The following NOL7 variants were observed in gnomAD, a reference collection of about 807,000 sequenced individuals.
The protein encoded by NOL7 is nucleolar protein 7.
In NOL7, 36 loss-of-function variants were observed where a neutral mutation model predicts 38.4. The observed-to-expected ratio is 0.94, with a 90% confidence interval of 0.72 to 1.24. The LOEUF is 1.24. Among genes scored for constraint, NOL7 ranks in the 50% most tolerant of loss-of-function variants. The pLI, the probability that NOL7 is intolerant of heterozygous loss-of-function variation, is 0.00. For synonymous variants in NOL7, 142 were observed against 126.5 expected (o/e 1.12, Z -0.82); for missense variants, 350 against 315.1 (o/e 1.11, Z -0.84).
At chr6:13,616,137 C>T (rs1764280280) in intron 2 of NOL7, among the ~76,000 whole-genome samples, 1 of 152,192 alleles carries the variant, frequency 6.6e-6, no homozygotes, top group Non-Finnish European at 1.5e-5. Context: ...GCTGTACAGA[C>T]TTAGTGTATG....
At chr6:13,626,060 G>T (rs1352035983), downstream of NOL7, among the ~76,000 whole-genome samples, 3 of 152,202 alleles carry the variant, frequency 2.0e-5, no homozygotes, top group East Asian at 5.8e-4. Context: ...CTGGTGTAGG[G>T]AGAGTGGAAG....
chr6:13,619,713 TTG>T (rs1351590752), intron 5 of NOL7, among the ~76,000 whole-genome samples: 2 of 152,234 alleles, frequency 1.3e-5, no homozygotes, highest in African/African-American at 4.8e-5. Flanking sequence ...GAGATGCTGA[TTG>T]TTCAACTGAT....
rs1228787250 is a variant in NOL7, at chr6:13,615,642, C to G, written c.266+18C>G. On this transcript the variant is annotated intron_variant, in intron 1 of 7. Transcript: ENST00000451315. ...GTGCGCAGGTTCGGAGCCCGCTGCC[C>G]GGCGGGGAGAACCGCCCTTTCTCGT... 5 of 1,610,064 alleles carry G rather than the reference C, an allele frequency of 3.1e-6. No homozygotes were observed. Among genetic ancestry groups the G allele is most frequent in the South Asian group, 1.1e-5 (1 of 90,570 alleles).
At chr6:13,622,537 A>G (rs1281895347), downstream of NOL7, 1 of 1,504,398 alleles carries the variant, frequency 6.6e-7, no homozygotes, top group East Asian at 2.3e-5. Flanking sequence ...TTAGCAAGAC[A>G]TTTTAAAAAA....
At chr6:13,622,335 A>T (rs115719968), downstream of NOL7, 18 of 1,514,308 alleles carry the variant, frequency 1.2e-5, no homozygotes, top group Non-Finnish European at 1.6e-5. Flanking sequence ...ATGCCACAAT[A>T]TAAGTGTGAG....
intron 5 of NOL7, 42 bp from the exon 6 acceptor site, chr6:13,620,166 A>T (rs776551256): frequency 1.9e-6 from 3 of 1,576,216 alleles, no homozygotes; most frequent in South Asian, 2.4e-5. Context: ...AAAGAAAGTA[A>T]GCATGTGTAA....
chr6:13,616,485 C>T lies in NOL7; in HGVS notation c.350C>T (p.Thr117Ile). Residue 117 changes from threonine to isoleucine, a missense_variant, in exon 3 of 8, where the codon ACT becomes ATT. Physicochemically the swap from Thr to Ile is moderately conservative, Grantham distance 89 (BLOSUM62 -1). Coordinates refer to ENST00000451315, the MANE Select transcript of NOL7 (RefSeq NM_016167.5). ...EQKKRKLLPDTILEKLTTASQ... is the reference protein window; with the variant it reads ...EQKKRKLLPDIILEKLTTASQ... ...AAGAAAAGAAAACTCCTTCCAGACA[C>T]TATTTTGGAGAAGTTAACCACAGCT... 1 of 1,608,984 alleles carries T rather than the reference C, an allele frequency of 6.2e-7. No homozygotes were observed. The highest frequency in any genetic ancestry group is 1.3e-5 in the African/African-American group (1 of 74,666).
chr6:13,632,119 T>A (rs13191719), intron 8 of NOL7, among the ~76,000 whole-genome samples: 1 of 2,650 alleles, frequency 3.8e-4, no homozygotes, highest in African/African-American at 1.7e-3. Flanking sequence ...GATTTAATCC[T>A]TTTTTTTTTT....
downstream of NOL7, among the ~76,000 whole-genome samples, chr6:13,622,729 T>A (rs1764486042): frequency 6.6e-6 from 1 of 152,228 alleles, no homozygotes; most frequent in African/African-American, 2.4e-5. Flanking sequence ...AATCAGACTT[T>A]TAAAGTATCA....
Position 13,618,020 on chromosome 6 carries a change from C to T in NOL7, c.419-38C>T, listed in dbSNP as rs139252019. The stretch of plus-strand genomic sequence containing the variant: ...CAGTAAATTTCCTGATTTATTTTTA[C>T]GTGAATGCTAATTAGAAAATGTAAC... On this transcript the variant is annotated intron_variant, in intron 4 of 7. Coordinates refer to ENST00000451315, the MANE Select transcript of NOL7 (RefSeq NM_016167.5). 2.4e-4 allele frequency: 292 copies of T among 1,201,202 alleles called. 2 individuals are homozygous for T. In the African/African-American group the frequency reaches 2.9e-3, roughly 12 times the overall value. The allele number at this position is 1,201,202 out of a possible 1,614,324, so 74.4% of individuals were successfully genotyped here.
chr6:13,631,712 C>G (rs1764786833), intron 8 of NOL7, among the ~76,000 whole-genome samples: 1 of 152,194 alleles, frequency 6.6e-6, no homozygotes, highest in African/African-American at 2.4e-5. Context: ...TGTTAAAGAG[C>G]TGTACATCTC....
chr6:13,617,380 G>A (rs936378394), intron 3 of NOL7, among the ~76,000 whole-genome samples: 2 of 152,090 alleles, frequency 1.3e-5, no homozygotes, highest in Non-Finnish European at 2.9e-5. Context: ...CCTGTCTCCT[G>A]TGCCTAAACT....
chr6:13,623,591 C>T (rs1360443360), downstream of NOL7, among the ~76,000 whole-genome samples: 1 of 152,144 alleles, frequency 6.6e-6, no homozygotes, highest in African/African-American at 2.4e-5. Flanking sequence ...CAAAGACAAA[C>T]ATCTACAGGG....
In NOL7 at chr6:13,615,716, A is replaced by G; in HGVS notation, c.271A>G (p.Lys91Glu). The G allele has an allele frequency of 6.2e-7, 1 of 1,614,224 alleles. No homozygotes were observed. The highest frequency in any genetic ancestry group is 1.6e-4 in the Middle Eastern group (1 of 6,062). Reference sequence around the variant, plus strand: ...ACTTATCACCCTTCCTCCCAGGGATAAAACGCTCCTGAAGGAGAAGAGGAA... The same window carrying G: ...ACTTATCACCCTTCCTCCCAGGGATGAAACGCTCCTGAAGGAGAAGAGGAA... ...RRVRETVRRD[K>E]TLLKEKRKRR... The change falls in exon 2 of 8, where the codon AAA (lysine) becomes GAA (glutamate). Residue 91 changes from lysine (K) to glutamate (E), a missense_variant. Transcript: ENST00000451315.
intron 8 of NOL7, among the ~76,000 whole-genome samples, chr6:13,627,904 A>C (rs1764663538): frequency 6.6e-6 from 1 of 152,188 alleles, no homozygotes; most frequent in South Asian, 2.1e-4. Flanking sequence ...TAGTGCAGCA[A>C]ACCACCATGG....
At chr6:13,616,603 A>G (rs938478663) in intron 3 of NOL7, 82 bp downstream of exon 3, 7 of 948,074 alleles carry the variant, frequency 7.4e-6, no homozygotes, top group African/African-American at 6.7e-5. Flanking sequence ...TTGAATCCAT[A>G]TAACTGAAGG....
At chr6:13,631,398 T>C (rs1251476982) in intron 8 of NOL7, among the ~76,000 whole-genome samples, 3 of 152,206 alleles carry the variant, frequency 2.0e-5, no homozygotes, top group Non-Finnish European at 4.4e-5. Flanking sequence ...TTTTTTCAAA[T>C]GTTAAAACAT....
chr6:13,621,496 T>C lies in NOL7; in HGVS notation c.*669T>C, dbSNP rs1210707584. Reference sequence around the variant, plus strand: ...TAATATATAAACTCAATTGACACTGTATCTGTAGAAGTAAATTTTTAATGG... The same window carrying C: ...TAATATATAAACTCAATTGACACTGCATCTGTAGAAGTAAATTTTTAATGG... On this transcript the variant is annotated 3_prime_UTR_variant, in exon 8 of 8. Coordinates refer to ENST00000451315, the MANE Select transcript of NOL7 (RefSeq NM_016167.5). The C allele has an allele frequency of 6.6e-5, 10 of 152,630 alleles. No homozygotes were observed. The highest frequency in any genetic ancestry group is 5.2e-4 in the Admixed American group (8 of 15,268). 9.5% of individuals were successfully genotyped at this position (152,630 alleles called of 1,614,324 possible).
At chr6:13,628,525 T>TA (rs1764688434) in intron 8 of NOL7, among the ~76,000 whole-genome samples, 1 of 152,166 alleles carries the variant, frequency 6.6e-6, no homozygotes, top group African/African-American at 2.4e-5. Context: ...AGGAAACCAA[T>TA]ATGGATTAGA....
Sources: gnomAD v4.1 joint callset for allele counts (sites outside exome capture counted in the v4.1 genomes callset) on GRCh38, gnomAD v4.1.1 for gene constraint, MANE v1.5 for transcripts, NCBI Gene and HGNC (gene_info 2026-07-23, HGNC 2026-07-21) for gene names.